INF2: variants seen among roughly 807,000 people sequenced by gnomAD.
INF2 encodes the protein inverted formin-2.
In INF2, 43 loss-of-function variants were observed where a neutral mutation model predicts 123.5. That is an observed-to-expected ratio of 0.35 (90% CI 0.27 to 0.45). The LOEUF is 0.45. INF2 is among the 20% of genes least tolerant of loss of function. The probability of loss-of-function intolerance (pLI) is 1.00; values close to 1 mark genes in which losing one functional copy is unlikely to be tolerated. For missense variants in INF2, 1,453 were observed against 1,682.7 expected, an observed-to-expected ratio of 0.86 and a Z score of 2.39; for synonymous variants, 851 against 745.0, an observed-to-expected ratio of 1.14 and a Z score of -2.32.
At position 104,717,245 on chromosome 14, in the gene INF2, C is replaced by T. The variant is rs909518375; in HGVS notation, c.*2-1550C>T. Among the ~76,000 whole-genome samples the T allele has an allele frequency of 4.2e-5, 6 of 142,272 alleles. No individual in the cohort carries two copies. In the South Asian group the frequency reaches 6.7e-4, roughly 16 times the overall value. The allele number at this position is 142,272 out of a possible 152,430, so 93.3% of individuals were successfully genotyped here. Reference sequence around the variant, plus strand: ...GTCCCCCCCGGGCAGGGTGCGCTGCCGTCCTCCCAGTCCGCCCCCACCGGG... The same window carrying T: ...GTCCCCCCCGGGCAGGGTGCGCTGCTGTCCTCCCAGTCCGCCCCCACCGGG... On this transcript the variant is annotated intron_variant, in intron 22 of 22. Coordinates refer to ENST00000392634, the MANE Select transcript of INF2 (RefSeq NM_022489.4).
In INF2 at chr14:104,714,362, G is replaced by T. The variant is rs1890194590; in HGVS notation, c.3200G>T (p.Gly1067Val). ...PQPTLEQLEE[G>V]GPRPLERRSS... ...CCCACCCTGGAGCAGTTGGAGGAGG[G>T]TGGTCCACGGCCCCTGGAGAGGCGT... The change falls in exon 21 of 23, where the codon GGT becomes GTT. Residue 1067 changes from glycine to valine, a missense_variant. Physicochemically the swap from Gly to Val is moderately radical, Grantham distance 109. Transcript: ENST00000392634. The T allele has an allele frequency of 6.3e-7, 1 of 1,597,200 alleles. No individual in the cohort carries two copies. Among genetic ancestry groups the T allele is most frequent in the Admixed American group, 1.7e-5 (1 of 57,372 alleles).
chr14:104,681,598 C>T (rs574537360), intron 1 of INF2: 23 of 1,288,862 alleles, frequency 1.8e-5, no homozygotes, highest in Middle Eastern at 2.1e-4. Context: ...AGATCAGGAA[C>T]GACAAGGCCA....
rs118017785 is a variant in INF2 at position 104,706,192 on chromosome 14, C to T, written c.843+16C>T. On this transcript the variant is annotated intron_variant, in intron 6 of 22. Transcript: ENST00000392634. ...GTTCCACAAGGTGGGCTGGGGGCTG[C>T]AGGGCGGAGGGCAGCCCTCCAGGGC... 0.075 allele frequency: 116,308 copies of T among 1,555,734 alleles called. 4,917 individuals carry two copies. Among genetic ancestry groups the T allele is most frequent in the Middle Eastern group, 0.1 (536 of 5,264 alleles).
Position 104,710,153 on chromosome 14 carries a change from G to T in INF2, c.2204G>T (p.Arg735Leu). 6.4e-7 allele frequency: 1 copy of T among 1,552,068 alleles called. No homozygotes were observed. The highest frequency in any genetic ancestry group is 8.7e-7 in the Non-Finnish European group (1 of 1,148,614). The change falls in exon 13 of 23, where the codon CGG (arginine) becomes CTG (leucine). Residue 735 changes from arginine (R) to leucine (L), a missense_variant. This residue lies in a region of INF2 where 192 missense variants were observed against 274.4 expected (regional missense o/e 0.70). Transcript: ENST00000392634. ...GCGGCCGCCGTGCTGGACATGGTGC[G>T]GCCCAAGGCCCAGCTGGTGCTGGCT... ...EGAAAVLDMV[R>L]PKAQLVLAAC... is the part of the protein sequence containing the mutation.
At chr14:104,709,843 G>A in intron 12 of INF2, 138 bp downstream of exon 12, 1 of 792,926 alleles carries the variant, frequency 1.3e-6, no homozygotes, top group Non-Finnish European at 2.1e-6. Flanking sequence ...CATTGCAGCG[G>A]TTGGGCTTCT....
At position 104,701,422 on chromosome 14, in the gene INF2, G is replaced by T. The variant is rs1240716458; in HGVS notation, c.57G>T (p.Gly19=). 1.3e-6 allele frequency: 2 copies of T among 1,596,054 alleles called. No individual in the cohort carries two copies. The highest frequency in any genetic ancestry group is 1.7e-5 in the Admixed American group (1 of 58,386). The change falls in exon 2 of 23, where the codon GGG becomes GGT. Residue 19 remains glycine, a synonymous_variant. Transcript: ENST00000392634. ...GGGCAGCGCTGAAGGAGAAGCTGGG[G>T]CCACAGGATTCGGACCCCACGGAGG... The part of the protein sequence containing the change: ...RKWAALKEKL[G]PQDSDPTEAN...
In INF2 at chr14:104,719,332, G is replaced by A. The variant is rs1436646163; in HGVS notation, c.*539G>A. 5 of 154,046 alleles carry A rather than the reference G, an allele frequency of 3.2e-5. No homozygotes were observed. Among genetic ancestry groups the A allele is most frequent in the African/African-American group, 9.6e-5 (4 of 41,486 alleles). 9.5% of individuals were successfully genotyped at this position (154,046 alleles called of 1,614,324 possible). ...GTCCAGCCCCTGAAGTTGGAGTGGG[G>A]GGCGGTCTGCCTTTGCTGCCACTGC... is the stretch of plus-strand genomic sequence containing the variant. On this transcript the variant is annotated 3_prime_UTR_variant, in exon 23 of 23. Transcript: ENST00000392634.
chr14:104,688,652 G>A (rs556754158), upstream of INF2, among the ~76,000 whole-genome samples: 4 of 152,366 alleles, frequency 2.6e-5, no homozygotes, highest in South Asian at 2.1e-4. Flanking sequence ...AGGGAGTGCT[G>A]GCGCCGGTTC....
At chr14:104,701,969 C>T (rs1399038120) in intron 2 of INF2, among the ~76,000 whole-genome samples, 3 of 152,180 alleles carry the variant, frequency 2.0e-5, no homozygotes, top group Non-Finnish European at 2.9e-5. Context: ...ACCCCAGTCC[C>T]CGCACTGCTG....
At position 104,714,712 on chromosome 14, in the gene INF2, G is replaced by A. The variant is rs374684004; in HGVS notation, c.3550G>A (p.Ala1184Thr). 178 of 1,609,024 alleles carry A rather than the reference G, an allele frequency of 1.1e-4. 1 individual carries two copies. Among genetic ancestry groups the A allele is most frequent in the Non-Finnish European group, 1.4e-4 (163 of 1,177,536 alleles). ...CGAGGAGGACACGGCCCCAGAGTCC[G>A]CACTGGACACATCCCTGGACAAGTC... ...EDEEDTAPES[A>T]LDTSLDKSFS... Residue 1184 changes from alanine (A) to threonine (T), a missense_variant, in exon 21 of 23, where the codon GCA becomes ACA. Ala to Thr is a moderately conservative substitution (Grantham distance 58, BLOSUM62 0). This residue lies in a region of INF2 where 344 missense variants were observed against 333.1 expected (regional missense o/e 1.03). Transcript: ENST00000392634.
intron 10 of INF2, 43 bp downstream of exon 10, chr14:104,708,775 G>C: frequency 3.1e-6 from 5 of 1,595,050 alleles, no homozygotes; most frequent in Non-Finnish European, 4.3e-6. Context: ...ACGGAGCCTC[G>C]CCTCCACCTG....
intron 1 of INF2, among the ~76,000 whole-genome samples, chr14:104,700,628 T>C (rs769863756): frequency 2.0e-5 from 3 of 152,074 alleles, no homozygotes; most frequent in Admixed American, 6.5e-5. Context: ...GAAAGGCACG[T>C]GTTGGGGCTC....
chr14:104,721,087 A>G lies in INF2; in HGVS notation c.*2294A>G. ...TAGTCTCGTGTGGATGCTGCTGTGG[A>G]CGTCTGCGTAGTCTCGTGTGGATGC... On this transcript the variant is annotated 3_prime_UTR_variant, in exon 23 of 23. Coordinates refer to ENST00000392634, the MANE Select transcript of INF2 (RefSeq NM_022489.4). 1.4e-5 allele frequency: 1 copy of G among 70,488 alleles called. No individual in the cohort carries two copies. The highest frequency in any genetic ancestry group is 6.5e-5 in the African/African-American group (1 of 15,468). 4.4% of individuals were successfully genotyped at this position (70,488 alleles called of 1,614,324 possible).
At chr14:104,695,174 A>T (rs1428919419) in intron 1 of INF2, among the ~76,000 whole-genome samples, 1 of 152,038 alleles carries the variant, frequency 6.6e-6, no homozygotes, top group East Asian at 1.9e-4. Context: ...CCCTGGGCTC[A>T]TGCCACCTGC....
intron 1 of INF2, among the ~76,000 whole-genome samples, chr14:104,694,629 C>T (rs1889098998): frequency 6.6e-6 from 1 of 152,206 alleles, no homozygotes; most frequent in African/African-American, 2.4e-5. Context: ...CTATGGGTCA[C>T]AGGCCGGTCA....
chr14:104,684,381 CG>C lies in INF2; in HGVS notation c.-104+2801del. The C allele has an allele frequency of 3.4e-6, 1 of 297,254 alleles. No homozygotes were observed. Among genetic ancestry groups the C allele is most frequent in the South Asian group, 3.1e-5 (1 of 32,740 alleles). The allele number at this position is 297,254 out of a possible 1,614,324, so 18.4% of individuals were successfully genotyped here. Reference sequence around the variant, plus strand: ...CCGGCCTCTGCACCTCAGCTTTCAGCGGATAGGTTTGTGCAACGAAATATTT... The same window carrying C: ...CCGGCCTCTGCACCTCAGCTTTCAGCGATAGGTTTGTGCAACGAAATATTT... On this transcript the variant is annotated intron_variant, in intron 1 of 2. Coordinates refer to the INF2 transcript ENST00000674723. This position sits in a 1 kb window ranked among gnomAD's most constrained non-coding sequence, Gnocchi z 5.0.
At chr14:104,708,330 C>G in intron 8 of INF2, 106 bp from the exon 9 acceptor site, 1 of 1,428,352 alleles carries the variant, frequency 7.0e-7, no homozygotes, top group Non-Finnish European at 9.6e-7. Context: ...TACTGGGCCC[C>G]AGGCAGGACA....
chr14:104,691,245 A>G (rs1888935110), intron 1 of INF2: 1 of 152,238 alleles, frequency 6.6e-6, no homozygotes, highest in African/African-American at 2.4e-5. Context: ...CCTTCCATCA[A>G]AGTGCAGTTA....
rs1053234784 is a variant in INF2, at chr14:104,699,138, C to T, written c.-9-2219C>T. Among the ~76,000 whole-genome samples the T allele has an allele frequency of 3.9e-5, 6 of 151,956 alleles. No individual in the cohort carries two copies. The highest frequency in any genetic ancestry group is 2.6e-4 in the Admixed American group (4 of 15,260). On this transcript the variant is annotated intron_variant, in intron 1 of 22. Transcript: ENST00000392634. This position sits in a 1 kb window ranked among gnomAD's most constrained non-coding sequence, Gnocchi z 4.7. Reference sequence around the variant, plus strand: ...CAGGGACACCCTGGGGCCTGGGGCACGGTGGCTCTCGGCGGCACTGCTTGT... The same window carrying T: ...CAGGGACACCCTGGGGCCTGGGGCATGGTGGCTCTCGGCGGCACTGCTTGT...
Sources: allele counts gnomAD v4.1 joint callset (sites outside exome capture counted in the v4.1 genomes callset), GRCh38; gene constraint gnomAD v4.1.1; regional missense constraint gnomAD v4.1.1; non-coding constraint Gnocchi (gnomAD v3.1); transcripts MANE v1.5; gene names NCBI Gene and HGNC (gene_info 2026-07-23, HGNC 2026-07-21).